The following ARHGEF10L variants were observed in gnomAD, a reference collection of about 807,000 sequenced individuals.
ARHGEF10L encodes the protein Rho guanine nucleotide exchange factor 10 like, also known as rho guanine nucleotide exchange factor 10-like protein.
ARHGEF10L carries 69 observed loss-of-function variants against 141.2 expected under a neutral mutation model. The ratio of observed to expected loss-of-function variants is 0.49; its 90% confidence interval spans 0.40 to 0.60. The LOEUF (loss-of-function observed/expected upper bound fraction) is 0.60. Among genes scored for constraint, ARHGEF10L ranks in the 20% least tolerant of loss-of-function variants. The pLI is 0.00. For synonymous variants in ARHGEF10L, 711 were observed against 718.5 expected, an observed-to-expected ratio of 0.99 and a Z score of 0.17; for missense variants, 1,482 against 1,734.3, an observed-to-expected ratio of 0.85 and a Z score of 2.58.
At chr1:17,637,232 C>T (rs1255616381) in intron 18 of ARHGEF10L, among the ~76,000 whole-genome samples, 1 of 152,228 alleles carries the variant, frequency 6.6e-6, no homozygotes, top group Non-Finnish European at 1.5e-5. Context: ...GAACAACTTG[C>T]TGTTCATGGG....
intron 26 of ARHGEF10L, among the ~76,000 whole-genome samples, chr1:17,671,282 T>G (rs1284222936): frequency 6.6e-6 from 1 of 152,156 alleles, no homozygotes; most frequent in Non-Finnish European, 1.5e-5. Context: ...GTTAGGGAAG[T>G]GTCCTGGGAA....
At chr1:17,593,581 T>C (rs954501466) in intron 4 of ARHGEF10L, among the ~76,000 whole-genome samples, 2 of 152,060 alleles carry the variant, frequency 1.3e-5, no homozygotes, top group Non-Finnish European at 2.9e-5. Flanking sequence ...GACCAAGGAA[T>C]GCAGGTGGCT....
intron 18 of ARHGEF10L, among the ~76,000 whole-genome samples, chr1:17,635,845 G>A (rs944422149): frequency 1.3e-5 from 2 of 152,130 alleles, no homozygotes; most frequent in African/African-American, 4.8e-5. Context: ...CCTGGTGCCC[G>A]AGGCATCTTC....
rs558478062 is a variant in ARHGEF10L, at chr1:17,638,851, C to T, written c.2171+162C>T. Among the ~76,000 whole-genome samples, 15 of 152,260 alleles carry T rather than the reference C, an allele frequency of 9.9e-5. No individual in the cohort carries two copies. In the South Asian group the frequency reaches 1.4e-3, roughly 15 times the overall value. ...GCCATGTCTGGGATAGCATCTGGCA[C>T]GCAGTAGGTGCTCATGAAAAGACTG... On this transcript the variant is annotated intron_variant, in intron 20 of 28. Coordinates refer to ENST00000361221, the MANE Select transcript of ARHGEF10L (RefSeq NM_018125.4).
At chr1:17,540,529 G>A (rs2076686199) in intron 1 of ARHGEF10L, among the ~76,000 whole-genome samples, 1 of 152,178 alleles carries the variant, frequency 6.6e-6, no homozygotes, top group Non-Finnish European at 1.5e-5. Context: ...AGGGATATAT[G>A]TCAGGGAGGG....
intron 1 of ARHGEF10L, among the ~76,000 whole-genome samples, chr1:17,561,152 G>A (rs1359839650): frequency 6.6e-6 from 1 of 152,220 alleles, no homozygotes. Context: ...CCAGCACGTA[G>A]TAGGTGCTCA....
At chr1:17,541,668 T>C (rs945111322) in intron 1 of ARHGEF10L, among the ~76,000 whole-genome samples, 4 of 152,024 alleles carry the variant, frequency 2.6e-5, no homozygotes, top group Non-Finnish European at 5.9e-5. Flanking sequence ...CTGTCTTTAC[T>C]AAAAATGCAA....
At chr1:17,683,991 A>G (rs1298648909) in intron 26 of ARHGEF10L, among the ~76,000 whole-genome samples, 1 of 152,178 alleles carries the variant, frequency 6.6e-6, no homozygotes. Context: ...GAGCATGCAG[A>G]TACCTCTCTC....
intron 7 of ARHGEF10L, among the ~76,000 whole-genome samples, chr1:17,608,339 C>T (rs919893546): frequency 1.3e-5 from 2 of 152,176 alleles, no homozygotes; most frequent in African/African-American, 4.8e-5. Context: ...CAGCCACTTG[C>T]TTAGAGGTGG....
At chr1:17,692,490 G>A (rs1177972808) in intron 27 of ARHGEF10L, among the ~76,000 whole-genome samples, 2 of 152,146 alleles carry the variant, frequency 1.3e-5, no homozygotes, top group East Asian at 1.9e-4. Context: ...CCAGGCAGAG[G>A]AGCCTCAGTG....
chr1:17,694,499 T>C, intron 27 of ARHGEF10L: 1 of 182,634 alleles, frequency 5.5e-6, no homozygotes, highest in South Asian at 1.0e-4. Flanking sequence ...CTTGCTAAAA[T>C]GAAGAGACAG....
intron 4 of ARHGEF10L, among the ~76,000 whole-genome samples, chr1:17,599,970 C>A (rs925830359): frequency 6.6e-6 from 1 of 152,224 alleles, no homozygotes; most frequent in Non-Finnish European, 1.5e-5. Context: ...GCTGCTGCAC[C>A]GGATAGGACA....
chr1:17,557,353 A>C (rs865792157), intron 1 of ARHGEF10L, among the ~76,000 whole-genome samples: 5 of 150,630 alleles, frequency 3.3e-5, no homozygotes, highest in African/African-American at 7.3e-5. Flanking sequence ...AAAAAAAAAA[A>C]AACAAAAAAA....
At chr1:17,565,464 C>A (rs1039279020) in intron 1 of ARHGEF10L, among the ~76,000 whole-genome samples, 1 of 152,206 alleles carries the variant, frequency 6.6e-6, no homozygotes, top group Admixed American at 6.5e-5. Flanking sequence ...TTTCAAGGAG[C>A]ACTAACTGGT....
the ARHGEF10L span, among the ~76,000 whole-genome samples, chr1:17,522,688 T>G: frequency 1.3e-5 from 2 of 152,120 alleles, no homozygotes; most frequent in South Asian, 4.1e-4. Flanking sequence ...CGCAAAGGCT[T>G]GCTCTGAGTG....
rs982158199 is a variant in ARHGEF10L at position 17,607,148 on chromosome 1, G to A, written c.434-654G>A. On this transcript the variant is annotated intron_variant, in intron 6 of 28. Coordinates refer to ENST00000361221, the MANE Select transcript of ARHGEF10L (RefSeq NM_018125.4). This position sits in a 1 kb window ranked among gnomAD's most constrained non-coding sequence, Gnocchi z 4.5. ...AGGGCCTGAGCCAGGACTTGGCTCC[G>A]GGTCTTCTCTTTTCCAGTAAGAAAC... Among the ~76,000 whole-genome samples, 2 of 152,158 alleles carry A rather than the reference G, an allele frequency of 1.3e-5. No homozygotes were observed. Among genetic ancestry groups the A allele is most frequent in the Non-Finnish European group, 2.9e-5 (2 of 68,038 alleles).
chr1:17,561,966 C>T (rs1557709631), intron 1 of ARHGEF10L, among the ~76,000 whole-genome samples: 1 of 152,228 alleles, frequency 6.6e-6, no homozygotes, highest in Non-Finnish European at 1.5e-5. Flanking sequence ...CTTGGCTGAC[C>T]TACTCCCTAG....
intron 7 of ARHGEF10L, among the ~76,000 whole-genome samples, chr1:17,610,523 C>T (rs188532580): frequency 1.4e-4 from 22 of 152,320 alleles, no homozygotes; most frequent in African/African-American, 3.4e-4. Context: ...CAGGAGGTTG[C>T]GGAGGGCTTT....
At chr1:17,680,272 G>A (rs2064018042) in intron 26 of ARHGEF10L, among the ~76,000 whole-genome samples, 2 of 152,214 alleles carry the variant, frequency 1.3e-5, no homozygotes, top group African/African-American at 2.4e-5. Context: ...TCAGGAGCTG[G>A]CAGCCCCTGA....
Sources: gnomAD v4.1 joint callset for allele counts (sites outside exome capture counted in the v4.1 genomes callset) on GRCh38, gnomAD v4.1.1 for gene constraint, Gnocchi (gnomAD v3.1) non-coding constraint, MANE v1.5 for transcripts, NCBI Gene and HGNC (gene_info 2026-07-23, HGNC 2026-07-21) for gene names.